The following SMAD3 variants were observed in gnomAD, a reference collection of about 807,000 sequenced individuals.
SMAD3 encodes MAD homolog 3.
Under a neutral mutation model 51.8 loss-of-function variants are expected in SMAD3, and 12 were observed. That is an observed-to-expected ratio of 0.23 (90% CI 0.15 to 0.38). The LOEUF is 0.38. Among genes scored for constraint, SMAD3 ranks in the 10% least tolerant of loss-of-function variants. The probability of loss-of-function intolerance (pLI) is 1.00; values close to 1 mark genes in which losing one functional copy is unlikely to be tolerated. For missense variants in SMAD3, 294 were observed against 565.6 expected (o/e 0.52, Z 4.87); for synonymous variants, 238 against 227.7 (o/e 1.05, Z -0.41).
chr15:67,077,017 G>T (rs1445870731), intron 1 of SMAD3, among the ~76,000 whole-genome samples: 1 of 152,166 alleles, frequency 6.6e-6, no homozygotes, highest in Non-Finnish European at 1.5e-5. Context: ...ATCTTGGGCT[G>T]GGTCTCTCTG....
chr15:67,159,047 A>T (rs575907903), intron 1 of SMAD3, among the ~76,000 whole-genome samples: 43 of 152,076 alleles, frequency 2.8e-4, no homozygotes, highest in Middle Eastern at 3.4e-3. Flanking sequence ...CATTAAAAAA[A>T]TTTTTTTAAT....
chr15:67,129,511 G>C (rs951665029), intron 1 of SMAD3, among the ~76,000 whole-genome samples: 3 of 152,186 alleles, frequency 2.0e-5, no homozygotes, highest in African/African-American at 7.2e-5. Context: ...ATCTCTTACT[G>C]TGCCTAATTT....
At chr15:67,134,002 GA>G (rs1449982409) in intron 1 of SMAD3, among the ~76,000 whole-genome samples, 1 of 152,014 alleles carries the variant, frequency 6.6e-6, no homozygotes, top group Non-Finnish European at 1.5e-5. Context: ...TTCAGCACTT[GA>G]GATATTTTCA....
At chr15:67,092,345 A>T (rs533496777) in intron 1 of SMAD3, among the ~76,000 whole-genome samples, 1 of 152,324 alleles carries the variant, frequency 6.6e-6, no homozygotes, top group East Asian at 1.9e-4. Context: ...TATTTTATCA[A>T]GTAGATGAAC....
intron 1 of SMAD3, among the ~76,000 whole-genome samples, chr15:67,150,381 A>G (rs1274057366): frequency 6.6e-6 from 1 of 152,224 alleles, no homozygotes; most frequent in Non-Finnish European, 1.5e-5. Context: ...AGTCTTTGGA[A>G]ACTTTAAGAT....
At chr15:67,187,294 C>T (rs753187147) in intron 7 of SMAD3, 71 bp from the exon 8 acceptor site, 7 of 1,593,988 alleles carry the variant, frequency 4.4e-6, no homozygotes, top group Non-Finnish European at 5.2e-6. Context: ...CCAGGACTTG[C>T]TTTATCCAGG....
intron 1 of SMAD3, among the ~76,000 whole-genome samples, chr15:67,099,406 A>T (rs576399165): frequency 6.6e-6 from 1 of 152,316 alleles, no homozygotes; most frequent in East Asian, 1.9e-4. Flanking sequence ...ATCCTGTTGT[A>T]AGTCATTTTG....
chr15:67,166,078 T>G lies in SMAD3; in HGVS notation c.532+694T>G, dbSNP rs1421478903. ...ATTTGGACGTGACGTTCATCCTGGG[T>G]TAGTTTACTGGGCTGAGATTGGCTA... On this transcript the variant is annotated intron_variant, in intron 3 of 8. Transcript: ENST00000327367. 3 of 595,910 alleles carry G rather than the reference T, an allele frequency of 5.0e-6. No homozygotes were observed. The African/African-American group carries it at 6.1e-5, about 12-fold the overall frequency. 36.9% of individuals were successfully genotyped at this position (595,910 alleles called of 1,614,324 possible). A position where few individuals can be genotyped will look rare whatever the true frequency, so the allele number is the denominator to read the frequency against.
chr15:67,145,496 T>C (rs1396823670), intron 1 of SMAD3, among the ~76,000 whole-genome samples: 1 of 152,224 alleles, frequency 6.6e-6, no homozygotes, highest in Non-Finnish European at 1.5e-5. Context: ...GTTTCTAGAA[T>C]GTTCTGACAT....
At chr15:67,176,069 G>T (rs991818170) in intron 5 of SMAD3, among the ~76,000 whole-genome samples, 6 of 152,176 alleles carry the variant, frequency 3.9e-5, no homozygotes, top group Non-Finnish European at 7.3e-5. Flanking sequence ...AGGGCATGGG[G>T]GTCTCTGTGC....
intron 4 of SMAD3, among the ~76,000 whole-genome samples, chr15:67,169,813 T>C (rs532488699): frequency 1.3e-5 from 2 of 152,260 alleles, no homozygotes; most frequent in South Asian, 4.1e-4. Context: ...AGCAGGATGC[T>C]GCTCTGGAAA....
intron 1 of SMAD3, among the ~76,000 whole-genome samples, chr15:67,122,111 C>T (rs998968537): frequency 6.6e-6 from 1 of 152,218 alleles, no homozygotes; most frequent in Non-Finnish European, 1.5e-5. Context: ...TAGCACTGGT[C>T]TAAGGTCCGG....
At chr15:67,155,986 CAAA>C (rs35796267) in intron 1 of SMAD3, among the ~76,000 whole-genome samples, 47 of 141,410 alleles carry the variant, frequency 3.3e-4, no homozygotes, top group African/African-American at 9.7e-4. Context: ...AACTCCATCT[CAAA>C]AAAAAAAAAA....
chr15:67,182,108 C>T (rs1414106601), intron 6 of SMAD3, among the ~76,000 whole-genome samples: 1 of 152,174 alleles, frequency 6.6e-6, no homozygotes, highest in African/African-American at 2.4e-5. Flanking sequence ...AATAAAAATA[C>T]TCTGAAAGTA....
intron 5 of SMAD3, among the ~76,000 whole-genome samples, chr15:67,176,626 TTC>T (rs1190336721): frequency 2.0e-5 from 3 of 152,252 alleles, no homozygotes; most frequent in African/African-American, 7.2e-5. Context: ...CTGGGTTTTA[TTC>T]TGTTTTCTTT....
chr15:67,133,383 T>G (rs887792761), intron 1 of SMAD3, among the ~76,000 whole-genome samples: 1 of 151,928 alleles, frequency 6.6e-6, no homozygotes, highest in African/African-American at 2.4e-5. Context: ...CAATATTATA[T>G]GCCCTTTTTT....
intron 1 of SMAD3, among the ~76,000 whole-genome samples, chr15:67,129,123 G>A (rs912638291): frequency 9.9e-5 from 15 of 152,092 alleles, no homozygotes; most frequent in South Asian, 2.1e-4. Context: ...TACACCAGGC[G>A]TCCCCAACCC....
chr15:67,138,679 A>G (rs576161356), intron 1 of SMAD3, among the ~76,000 whole-genome samples: 65 of 152,300 alleles, frequency 4.3e-4, no homozygotes, highest in Middle Eastern at 3.4e-3. Context: ...CTGTTTTCAC[A>G]TGGCTATTTG....
chr15:67,077,664 G>T (rs867426112), intron 1 of SMAD3, among the ~76,000 whole-genome samples: 5 of 152,314 alleles, frequency 3.3e-5, no homozygotes, highest in Middle Eastern at 6.8e-3. Flanking sequence ...ATTTCTGGAG[G>T]TATCAGAAGG....
Sources: allele counts gnomAD v4.1 joint callset (sites outside exome capture counted in the v4.1 genomes callset), GRCh38; gene constraint gnomAD v4.1.1; transcripts MANE v1.5; gene names NCBI Gene and HGNC (gene_info 2026-07-23, HGNC 2026-07-21).